Variants in FGF8 observed in about 807,000 individuals in gnomAD.
FGF8 encodes the protein fibroblast growth factor 8.
In FGF8, 12 loss-of-function variants were observed where a neutral mutation model predicts 29.7. That is an observed-to-expected ratio of 0.40 (90% CI 0.26 to 0.65). The LOEUF (loss-of-function observed/expected upper bound fraction) is 0.65, where lower values mean the gene tolerates loss of function less well. FGF8 is among the 30% of genes least tolerant of loss of function. The pLI, the probability that FGF8 is intolerant of heterozygous loss-of-function variation, is 0.37. For synonymous variants in FGF8, 157 were observed against 144.4 expected (o/e 1.09, Z -0.63); for missense variants, 271 against 345.1 (o/e 0.79, Z 1.70).
upstream of FGF8, among the ~76,000 whole-genome samples, chr10:101,778,978 C>A (rs2065118501): frequency 6.6e-6 from 1 of 152,182 alleles, no homozygotes; most frequent in African/African-American, 2.4e-5. Flanking sequence ...CCTTTCCTGG[C>A]CGCCCCCACA....
In FGF8 at chr10:101,772,605, C is replaced by T. The variant is rs920648014; in HGVS notation, c.338-1036G>A. Among the ~76,000 whole-genome samples the T allele has an allele frequency of 7.2e-5, 11 of 152,342 alleles. No homozygotes were observed. The highest frequency in any genetic ancestry group is 2.6e-4 in the African/African-American group (11 of 41,576). The stretch of plus-strand genomic sequence containing the variant: ...GAAGGCGCTGGCTCTCCTGCCGTCC[C>T]TGCCGCAGAGCCCAGCCTCTCCCCT... On this transcript the variant is annotated intron_variant, in intron 4 of 5. Coordinates refer to ENST00000320185, the MANE Select transcript of FGF8 (RefSeq NM_033163.5). The surrounding 1 kb of genome is among the most constrained non-coding windows in gnomAD (Gnocchi z 4.4).
rs756187925 is a variant in FGF8 at position 101,775,935 on chromosome 10, G to A, written c.-35C>T. ...CCCCGGGGCACCGAGAGCCCGGCGG[G>A]TCACGCCGTCCCGCGGGCCGCCGCG... On this transcript the variant is annotated 5_prime_UTR_variant, in exon 1 of 6. Transcript: ENST00000320185. The surrounding 1 kb of genome is among the most constrained non-coding windows in gnomAD (Gnocchi z 4.6). 11,476 of 1,195,266 alleles carry A rather than the reference G, an allele frequency of 9.6e-3. 64 individuals carry two copies. The highest frequency in any genetic ancestry group is 0.01 in the Non-Finnish European group (9,922 of 967,242). 74.0% of individuals were successfully genotyped at this position (1,195,266 alleles called of 1,614,324 possible). A position where few individuals can be genotyped will look rare whatever the true frequency, so the allele number is the denominator to read the frequency against.
In FGF8 at chr10:101,775,479, G is replaced by A. The variant is rs2065076573; in HGVS notation, c.69+261C>T. 1.7e-6 allele frequency: 1 copy of A among 603,736 alleles called. No individual in the cohort carries two copies. The highest frequency in any genetic ancestry group is 2.9e-6 in the Non-Finnish European group (1 of 340,332). The allele number at this position is 603,736 out of a possible 1,614,324, so 37.4% of individuals were successfully genotyped here. ...CTGGGTGTTCCCTATGCCCCCAGCC[G>A]GCGAGGATGCATGGGGGACAGTGCT... On this transcript the variant is annotated intron_variant, in intron 2 of 5. Coordinates refer to ENST00000320185, the MANE Select transcript of FGF8 (RefSeq NM_033163.5). This position sits in a 1 kb window ranked among gnomAD's most constrained non-coding sequence, Gnocchi z 4.6.
At chr10:101,777,209 C>G (rs1030927468), upstream of FGF8, among the ~76,000 whole-genome samples, 14 of 152,302 alleles carry the variant, frequency 9.2e-5, no homozygotes, top group South Asian at 4.1e-4. Flanking sequence ...GGCTTCCCCC[C>G]TGAGGTTTCT....
In FGF8 at chr10:101,770,509, C is replaced by T. The variant is rs1466609464; in HGVS notation, c.555G>A (p.Lys185=). ...YEGWYMAFTR[K]GRPRKGSKTR... ...TCTTGGAGCCCTTGCGGGGCCGGCCCTTGCGGGTGAAGGCCATGTACCAGC... is the reference window on the plus strand; with the variant it reads ...TCTTGGAGCCCTTGCGGGGCCGGCCTTTGCGGGTGAAGGCCATGTACCAGC... The change falls in exon 6 of 6, where the codon AAG becomes AAA. Residue 185 remains lysine, a synonymous_variant. Coordinates refer to ENST00000320185, the MANE Select transcript of FGF8 (RefSeq NM_033163.5). 1 of 1,613,756 alleles carries T rather than the reference C, an allele frequency of 6.2e-7. No individual in the cohort carries two copies. The highest frequency in any genetic ancestry group is 2.2e-5 in the East Asian group (1 of 44,878).
Position 101,775,849 on chromosome 10 carries a change from C to A in FGF8, c.32+20G>T, listed in dbSNP as rs1168291991. On this transcript the variant is annotated intron_variant, in intron 1 of 5. Transcript: ENST00000320185. This position sits in a 1 kb window ranked among gnomAD's most constrained non-coding sequence, Gnocchi z 4.6. ...GGGGCGCGGGGGGCGGGTGGCGGGG[C>A]AGGGCGGCGCGGTACTCACAGGCAG... 27 of 1,507,802 alleles carry A rather than the reference C, an allele frequency of 1.8e-5. No homozygotes were observed. The highest frequency in any genetic ancestry group is 2.6e-5 in the East Asian group (1 of 38,234). 93.4% of individuals were successfully genotyped at this position (1,507,802 alleles called of 1,614,324 possible). A position where few individuals can be genotyped will look rare whatever the true frequency, so the allele number is the denominator to read the frequency against.
chr10:101,770,140 TTAAAA>T lies in FGF8; in HGVS notation c.*184_*188del. The T allele has an allele frequency of 1.9e-5, 10 of 523,770 alleles. No individual in the cohort carries two copies. Among genetic ancestry groups the T allele is most frequent in the South Asian group, 2.8e-5 (1 of 36,070 alleles). The allele number at this position is 523,770 out of a possible 1,614,324, so 32.4% of individuals were successfully genotyped here. ...ACAAAAATAGAGCCTCTCTTTTGTT[TTAAAA>T]AAAAAAAAAAAAAAAAAAACAGCAA... On this transcript the variant is annotated 3_prime_UTR_variant, in exon 6 of 6. Transcript: ENST00000320185.
rs1275593194 is a variant in FGF8 at position 101,775,760 on chromosome 10, C to T, written c.49G>A (p.Val17Ile). Residue 17 changes from valine to isoleucine, a missense_variant, in exon 2 of 6, where the codon GTC (valine) becomes ATC (isoleucine). Val to Ile is a conservative substitution (Grantham distance 29). Transcript: ENST00000320185. The surrounding 1 kb of genome is among the most constrained non-coding windows in gnomAD (Gnocchi z 4.6). ...CTCACCTGGGCTTGGAGGCAGAGGA[C>T]CAGCAAGTGCAACAGCCTGTGGGAG... is the stretch of plus-strand genomic sequence containing the variant. ...ALSCLLLHLLVLCLQAQEGPG... is the reference protein window; with the variant it reads ...ALSCLLLHLLILCLQAQEGPG... The T allele has an allele frequency of 6.5e-7, 1 of 1,545,820 alleles. No individual in the cohort carries two copies.
In FGF8 at chr10:101,775,846, G is replaced by A; in HGVS notation, c.32+23C>T. ...CGAGGGGCGCGGGGGGCGGGTGGCGGGGCAGGGCGGCGCGGTACTCACAGG... is the reference window on the plus strand; with the variant it reads ...CGAGGGGCGCGGGGGGCGGGTGGCGAGGCAGGGCGGCGCGGTACTCACAGG... On this transcript the variant is annotated intron_variant, in intron 1 of 5. Coordinates refer to ENST00000320185, the MANE Select transcript of FGF8 (RefSeq NM_033163.5). The surrounding 1 kb of genome is among the most constrained non-coding windows in gnomAD (Gnocchi z 4.6). 2 of 1,471,614 alleles carry A rather than the reference G, an allele frequency of 1.4e-6. No individual in the cohort carries two copies. Among genetic ancestry groups the A allele is most frequent in the Non-Finnish European group, 9.1e-7 (1 of 1,097,394 alleles). 91.2% of individuals were successfully genotyped at this position (1,471,614 alleles called of 1,614,324 possible). A position where few individuals can be genotyped will look rare whatever the true frequency, so the allele number is the denominator to read the frequency against.
Position 101,776,082 on chromosome 10 carries a change from G to C in FGF8, c.-182C>G, listed in dbSNP as rs2065088607. The stretch of plus-strand genomic sequence containing the variant: ...GCTCGCCGCGCCGCACCGAATCGCT[G>C]TGCGCCGCTGCCGGAGCCGGTGGCC... On this transcript the variant is annotated 5_prime_UTR_variant, in exon 1 of 6. Transcript: ENST00000320185. 1 of 219,608 alleles carries C rather than the reference G, an allele frequency of 4.6e-6. No homozygotes were observed. The highest frequency in any genetic ancestry group is 8.2e-6 in the Non-Finnish European group (1 of 121,808). 13.6% of individuals were successfully genotyped at this position (219,608 alleles called of 1,614,324 possible). A position where few individuals can be genotyped will look rare whatever the true frequency, so the allele number is the denominator to read the frequency against.
chr10:101,773,472 G>A lies in FGF8; in HGVS notation c.337+1260C>T, dbSNP rs368828935. On this transcript the variant is annotated intron_variant, in intron 4 of 5. Coordinates refer to ENST00000320185, the MANE Select transcript of FGF8 (RefSeq NM_033163.5). ...CCCCCACCCCCACCCCAGAAAGCCC[G>A]CTCTCTCCCATGTCGGTTGAATCTG... 5.7e-5 allele frequency among the ~76,000 whole-genome samples: 6 copies of A among 105,062 alleles called. 1 individual carries two copies. The highest frequency in any genetic ancestry group is 2.2e-4 in the African/African-American group (6 of 26,978). 68.9% of individuals were successfully genotyped at this position (105,062 alleles called of 152,430 possible).
chr10:101,775,661 C>T lies in FGF8; in HGVS notation c.69+79G>A, dbSNP rs1486484200. On this transcript the variant is annotated intron_variant, in intron 2 of 5. Transcript: ENST00000320185. The surrounding 1 kb of genome is among the most constrained non-coding windows in gnomAD (Gnocchi z 4.6). ...TCCCGCGCCGGCCGCAGAGTCAGTC[C>T]CGGTGCCCCCGACCGGCGCTGCCCA... The T allele has an allele frequency of 6.7e-7, 1 of 1,491,952 alleles. No individual in the cohort carries two copies. Among genetic ancestry groups the T allele is most frequent in the Admixed American group, 2.0e-5 (1 of 50,002 alleles). The allele number at this position is 1,491,952 out of a possible 1,614,324, so 92.4% of individuals were successfully genotyped here.
In FGF8 at chr10:101,771,012, G is replaced by A. The variant is rs1170670876; in HGVS notation, c.445-393C>T. 6.6e-6 allele frequency among the ~76,000 whole-genome samples: 1 copy of A among 152,098 alleles called. No homozygotes were observed. The highest frequency in any genetic ancestry group is 1.5e-5 in the Non-Finnish European group (1 of 67,990). ...CACCCTATGGGGGAGGGGAGGCCTGGGAGAAGATGCTAAGACCCCAGCCCC... is the reference window on the plus strand; with the variant it reads ...CACCCTATGGGGGAGGGGAGGCCTGAGAGAAGATGCTAAGACCCCAGCCCC... On this transcript the variant is annotated intron_variant, in intron 5 of 5. Coordinates refer to ENST00000320185, the MANE Select transcript of FGF8 (RefSeq NM_033163.5). This position sits in a 1 kb window ranked among gnomAD's most constrained non-coding sequence, Gnocchi z 5.3.
Position 101,770,341 on chromosome 10 carries a change from G to T in FGF8, c.723C>A (p.Pro241=), listed in dbSNP as rs1071634. The T allele has an allele frequency of 6.3e-7, 1 of 1,594,844 alleles. No homozygotes were observed. Among genetic ancestry groups the T allele is most frequent in the East Asian group, 2.3e-5 (1 of 44,218 alleles). ...SLRGSQRTWA[P]EPR Reference sequence around the variant, plus strand: ...GGCCAGGCAGCACCTATCGGGGCTCGGGGGCCCAAGTCCTCTGGCTGCCGC... The same window carrying T: ...GGCCAGGCAGCACCTATCGGGGCTCTGGGGCCCAAGTCCTCTGGCTGCCGC... Residue 241 remains proline (P), a synonymous_variant, in exon 6 of 6, where the codon CCC becomes CCA. Transcript: ENST00000320185.
At chr10:101,770,642 C>T in intron 5 of FGF8, 23 bp from the exon 6 acceptor site, 1 of 1,604,412 alleles carries the variant, frequency 6.2e-7, no homozygotes, top group African/African-American at 1.3e-5. Flanking sequence ...GAGCCAGACA[C>T]CACGTTACAG....
rs2135000038 is a variant in FGF8 at position 101,774,990 on chromosome 10, G to A, written c.157-78C>T. On this transcript the variant is annotated intron_variant, in intron 3 of 5. Coordinates refer to ENST00000320185, the MANE Select transcript of FGF8 (RefSeq NM_033163.5). Reference sequence around the variant, plus strand: ...GGGGCCCGAGTGGCCCCATCACCCTGCGTCCCCCTCACTGCCCCAAGCCGC... The same window carrying A: ...GGGGCCCGAGTGGCCCCATCACCCTACGTCCCCCTCACTGCCCCAAGCCGC... The A allele has an allele frequency of 5.8e-6, 9 of 1,553,944 alleles. No individual in the cohort carries two copies. The East Asian group carries it at 1.8e-4, about 31-fold the overall frequency.
rs537686119 is a variant in FGF8 at position 101,770,794 on chromosome 10, G to A, written c.445-175C>T. ...ATCCCTCACAACTCGCAGCCCACCC[G>A]GCAACTTCCTGTCCTCCCAGGCAGC... On this transcript the variant is annotated intron_variant, in intron 5 of 5. Transcript: ENST00000320185. Among the ~76,000 whole-genome samples the A allele has an allele frequency of 7.9e-5, 12 of 152,296 alleles. No individual in the cohort carries two copies. In the East Asian group the frequency reaches 2.1e-3, roughly 27 times the overall value.
intron 4 of FGF8, among the ~76,000 whole-genome samples, chr10:101,773,525 T>C (rs1357937388): frequency 2.1e-5 from 3 of 142,650 alleles, no homozygotes; most frequent in South Asian, 2.3e-4. Context: ...GGGGCCGCAG[T>C]TTACGGCAGC....
In FGF8 at chr10:101,775,837, C is replaced by CGGGGGGGGGGGGGGGGG; in HGVS notation, c.32+31_32+32insCCCCCCCCCCCCCCCCC. On this transcript the variant is annotated intron_variant, in intron 1 of 5. Coordinates refer to ENST00000320185, the MANE Select transcript of FGF8 (RefSeq NM_033163.5). The surrounding 1 kb of genome is among the most constrained non-coding windows in gnomAD (Gnocchi z 4.6). ...CGGGTGAGGCGAGGGGCGCGGGGGG[C>CGGGGGGGGGGGGGGGGG]GGGTGGCGGGGCAGGGCGGCGCGGT... 2 of 967,862 alleles carry CGGGGGGGGGGGGGGGGG rather than the reference C, an allele frequency of 2.1e-6. No homozygotes were observed. The highest frequency in any genetic ancestry group is 2.9e-5 in the Admixed American group (1 of 33,996). The allele number at this position is 967,862 out of a possible 1,614,324, so 60.0% of individuals were successfully genotyped here. A position where few individuals can be genotyped will look rare whatever the true frequency, so the allele number is the denominator to read the frequency against.
Sources: gnomAD v4.1 joint callset for allele counts (sites outside exome capture counted in the v4.1 genomes callset) on GRCh38, gnomAD v4.1.1 for gene constraint, Gnocchi (gnomAD v3.1) non-coding constraint, MANE v1.5 for transcripts, NCBI Gene and HGNC (gene_info 2026-07-23, HGNC 2026-07-21) for gene names.